The following DENND1B variants were observed in gnomAD, a reference collection of about 807,000 sequenced individuals.
The protein encoded by DENND1B is DENN domain-containing protein 1B.
DENND1B carries 59 observed loss-of-function variants against 90.1 expected under a neutral mutation model. The ratio of observed to expected loss-of-function variants is 0.65; its 90% CI spans 0.53 to 0.81. The LOEUF (loss-of-function observed/expected upper bound fraction) is 0.81, where lower values mean the gene tolerates loss of function less well. Ranked by LOEUF, DENND1B falls within the 40% of genes least tolerant of loss-of-function variation. The probability of loss-of-function intolerance (pLI) is 0.00; values close to 1 mark genes in which losing one functional copy is unlikely to be tolerated. For synonymous variants in DENND1B, 337 were observed against 324.6 expected (o/e 1.04, Z -0.41); for missense variants, 862 against 912.6 (o/e 0.94, Z 0.71).
intron 12 of DENND1B, among the ~76,000 whole-genome samples, chr1:197,608,237 A>C (rs964739970): frequency 1.3e-5 from 2 of 150,622 alleles, no homozygotes; most frequent in Admixed American, 1.3e-4. Flanking sequence ...TGCATATTAG[A>C]ATGTTAAACT....
intron 2 of DENND1B, among the ~76,000 whole-genome samples, chr1:197,729,595 T>C (rs1460150452): frequency 6.6e-6 from 1 of 152,148 alleles, no homozygotes; most frequent in African/African-American, 2.4e-5. Flanking sequence ...AGCCCCATAC[T>C]TCAAGAAAGA....
intron 3 of DENND1B, among the ~76,000 whole-genome samples, chr1:197,682,798 A>G (rs1656830371): frequency 6.6e-6 from 1 of 152,216 alleles, no homozygotes. Flanking sequence ...AAAAAGAAGT[A>G]CAAATGTTGA....
chr1:197,775,055 G>T, intron 1 of DENND1B, 84 bp downstream of exon 1: 6 of 972,114 alleles, frequency 6.2e-6, no homozygotes, highest in Non-Finnish European at 8.0e-6. Context: ...CCGGTTGAGC[G>T]CGGAGGCGCG....
chr1:197,774,195 A>G (rs1656978885), intron 1 of DENND1B, among the ~76,000 whole-genome samples: 1 of 152,178 alleles, frequency 6.6e-6, no homozygotes, highest in African/African-American at 2.4e-5. Context: ...ACTGAAGAAA[A>G]TAATTCTATT....
chr1:197,616,039 A>G (rs1426749404), intron 11 of DENND1B, among the ~76,000 whole-genome samples: 4 of 151,178 alleles, frequency 2.6e-5, no homozygotes, highest in Non-Finnish European at 4.5e-5. Flanking sequence ...AACATTTTAG[A>G]AAGTCTTAAA....
intron 2 of DENND1B, among the ~76,000 whole-genome samples, chr1:197,758,600 T>C (rs1034183025): frequency 6.6e-6 from 1 of 152,178 alleles, no homozygotes; most frequent in Non-Finnish European, 1.5e-5. Context: ...AAGTCAGACA[T>C]CTAACAAGTG....
chr1:197,593,506 T>G (rs1675423130), intron 14 of DENND1B, among the ~76,000 whole-genome samples: 5 of 151,866 alleles, frequency 3.3e-5, no homozygotes, highest in Admixed American at 2.6e-4. Flanking sequence ...TTTTCACAGA[T>G]AGTAACAATA....
At chr1:197,676,755 C>T (rs1015886363) in intron 3 of DENND1B, among the ~76,000 whole-genome samples, 1 of 152,016 alleles carries the variant, frequency 6.6e-6, no homozygotes, top group African/African-American at 2.4e-5. Context: ...TGTCCTAAAA[C>T]AGCACTTCTA....
At chr1:197,770,841 T>C (rs1558504134) in intron 2 of DENND1B, among the ~76,000 whole-genome samples, 1 of 96,456 alleles carries the variant, frequency 1.0e-5, no homozygotes, top group East Asian at 3.1e-4. Flanking sequence ...TCTATAAATA[T>C]ATATAAATAT....
At chr1:197,524,565 A>G (rs1251508990) in intron 20 of DENND1B, among the ~76,000 whole-genome samples, 3 of 152,122 alleles carry the variant, frequency 2.0e-5, no homozygotes. Flanking sequence ...TGTAAAAAGG[A>G]AGAGTAAAAA....
chr1:197,737,498 A>T (rs1402759636), intron 2 of DENND1B, among the ~76,000 whole-genome samples: 1 of 152,104 alleles, frequency 6.6e-6, no homozygotes, highest in Non-Finnish European at 1.5e-5. Flanking sequence ...TAAACATTCC[A>T]TCTTGGAGGT....
chr1:197,644,708 T>C (rs1199265399), intron 9 of DENND1B, among the ~76,000 whole-genome samples: 1 of 152,202 alleles, frequency 6.6e-6, no homozygotes, highest in Non-Finnish European at 1.5e-5. Context: ...TGGATCCATC[T>C]GTACTGAAAA....
chr1:197,639,133 G>A (rs1027077552), intron 10 of DENND1B, among the ~76,000 whole-genome samples: 2 of 150,524 alleles, frequency 1.3e-5, no homozygotes, highest in Non-Finnish European at 3.0e-5. Context: ...GCGTGATCTC[G>A]GTTCACTGCA....
At chr1:197,516,569 A>G (rs1268577216) in intron 20 of DENND1B, among the ~76,000 whole-genome samples, 1 of 151,774 alleles carries the variant, frequency 6.6e-6, no homozygotes, top group Non-Finnish European at 1.5e-5. Flanking sequence ...CAGTGCTTTC[A>G]GGGGAAATAA....
intron 19 of DENND1B, among the ~76,000 whole-genome samples, 168 bp downstream of exon 19, chr1:197,540,791 C>T (rs1052341308): frequency 1.8e-4 from 28 of 152,108 alleles, no homozygotes; most frequent in African/African-American, 5.8e-4. Flanking sequence ...TGAATGCATA[C>T]AGAAGAGCAG....
intron 10 of DENND1B, among the ~76,000 whole-genome samples, chr1:197,626,768 T>A (rs1446366385): frequency 1.3e-5 from 2 of 151,254 alleles, no homozygotes; most frequent in South Asian, 2.1e-4. Context: ...TCAACAAAAT[T>A]GATAGACCGC....
chr1:197,529,614 G>C (rs954524821), intron 20 of DENND1B, among the ~76,000 whole-genome samples: 1 of 151,882 alleles, frequency 6.6e-6, no homozygotes, highest in African/African-American at 2.4e-5. Context: ...ATAACTGCTA[G>C]ACTAAGCCAC....
chr1:197,685,234 A>G (rs2126006849), intron 3 of DENND1B, among the ~76,000 whole-genome samples: 1 of 152,318 alleles, frequency 6.6e-6, no homozygotes, highest in East Asian at 1.9e-4. Flanking sequence ...AGATTAAGCA[A>G]GGTCAATAAT....
rs79492460 is a variant in DENND1B at position 197,632,699 on chromosome 1, T to C, written c.672+10012A>G. 6.2e-3 allele frequency among the ~76,000 whole-genome samples: 937 copies of C among 152,306 alleles called. 11 individuals are homozygous for C. Among genetic ancestry groups the C allele is most frequent in the African/African-American group, 0.022 (896 of 41,566 alleles). On this transcript the variant is annotated intron_variant, in intron 10 of 22. Transcript: ENST00000620048. The stretch of plus-strand genomic sequence containing the variant: ...TTATTTCAAAATAAAGGCATTTCTT[T>C]CCTTCTCAGGTGGTTAACTATTTTT...
Sources: allele counts gnomAD v4.1 joint callset (sites outside exome capture counted in the v4.1 genomes callset), GRCh38; gene constraint gnomAD v4.1.1; transcripts MANE v1.5; gene names NCBI Gene and HGNC (gene_info 2026-07-23, HGNC 2026-07-21).